L2HGDH: variants seen among roughly 807,000 people sequenced by gnomAD.
L2HGDH encodes the protein L-2-hydroxyglutarate dehydrogenase.
In L2HGDH, 34 loss-of-function variants were observed where a neutral mutation model predicts 51.5. That is an observed-to-expected ratio of 0.66 (90% CI 0.50 to 0.88). The LOEUF (loss-of-function observed/expected upper bound fraction) is 0.88, where lower values mean the gene tolerates loss of function less well. Ranked by LOEUF, L2HGDH falls within the 40% of genes least tolerant of loss-of-function variation. The pLI, the probability that L2HGDH is intolerant of heterozygous loss-of-function variation, is 0.00. For synonymous variants in L2HGDH, 198 were observed against 197.9 expected, an observed-to-expected ratio of 1.00 and a Z score of -0.01; for missense variants, 558 against 571.9, an observed-to-expected ratio of 0.98 and a Z score of 0.25.
chr14:50,278,233 G>A (rs1193551828), intron 6 of L2HGDH, among the ~76,000 whole-genome samples: 2 of 152,184 alleles, frequency 1.3e-5, no homozygotes, highest in Admixed American at 1.3e-4. Flanking sequence ...TAATAAGTTA[G>A]TGGAGATCAG....
chr14:50,281,339 T>A (rs184294929), intron 5 of L2HGDH, among the ~76,000 whole-genome samples: 1 of 152,196 alleles, frequency 6.6e-6, no homozygotes, highest in Non-Finnish European at 1.5e-5. Flanking sequence ...GCTCCTGTAA[T>A]CCCAGCACTT....
intron 6 of L2HGDH, among the ~76,000 whole-genome samples, chr14:50,270,819 T>C (rs930167005): frequency 1.3e-5 from 2 of 152,118 alleles, no homozygotes; most frequent in African/African-American, 2.4e-5. Context: ...CCTTACTGTT[T>C]AGCCTTACTC....
intron 9 of L2HGDH, among the ~76,000 whole-genome samples, chr14:50,255,552 A>T (rs1203307697): frequency 6.7e-6 from 1 of 148,274 alleles, no homozygotes; most frequent in African/African-American, 2.5e-5. Flanking sequence ...AAAAAAAAAA[A>T]AGAAAAGAAA....
intron 6 of L2HGDH, 58 bp downstream of exon 6, chr14:50,278,462 A>AT: frequency 1.7e-6 from 2 of 1,142,970 alleles, no homozygotes; most frequent in Non-Finnish European, 2.6e-6. Context: ...GGTTAATTTA[A>AT]TTTTTAATAA....
At chr14:50,305,657 T>C (rs1338902003) in intron 1 of L2HGDH, among the ~76,000 whole-genome samples, 1 of 152,216 alleles carries the variant, frequency 6.6e-6, no homozygotes, top group Non-Finnish European at 1.5e-5. Context: ...ACCTCTATAA[T>C]CTTCCACTAA....
chr14:50,268,833 G>C (rs1474470483), intron 7 of L2HGDH, among the ~76,000 whole-genome samples: 1 of 152,130 alleles, frequency 6.6e-6, no homozygotes, highest in Non-Finnish European at 1.5e-5. Flanking sequence ...CTGAGGAAAA[G>C]GGTTGGGTAT....
chr14:50,305,151 T>C (rs1270086788), intron 1 of L2HGDH, among the ~76,000 whole-genome samples: 2 of 152,172 alleles, frequency 1.3e-5, no homozygotes, highest in African/African-American at 2.4e-5. Context: ...TTAAATTAAC[T>C]TGGGGGTCAT....
At position 50,245,441 on chromosome 14, in the gene L2HGDH, A is replaced by G; in HGVS notation, c.*1617T>C. 1.0e-6 allele frequency: 1 copy of G among 984,740 alleles called. No homozygotes were observed. The highest frequency in any genetic ancestry group is 1.2e-6 in the Non-Finnish European group (1 of 829,298). The allele number at this position is 984,740 out of a possible 1,614,324, so 61.0% of individuals were successfully genotyped here. ...TTAGATTTCATGATGATACCATACC[A>G]CATCAGTTACAAAGAGACTGGAAAT... On this transcript the variant is annotated 3_prime_UTR_variant, in exon 10 of 10. Transcript: ENST00000267436.
chr14:50,264,721 C>A (rs1479105395), intron 9 of L2HGDH, among the ~76,000 whole-genome samples: 2 of 152,054 alleles, frequency 1.3e-5, no homozygotes, highest in Non-Finnish European at 2.9e-5. Flanking sequence ...ACACTGCAGT[C>A]TACTTAAGTG....
intron 9 of L2HGDH, among the ~76,000 whole-genome samples, chr14:50,261,361 T>C (rs1413590051): frequency 6.6e-6 from 1 of 152,218 alleles, no homozygotes; most frequent in Non-Finnish European, 1.5e-5. Flanking sequence ...ATTTTCCAAA[T>C]TGAAAATGGG....
chr14:50,297,298 T>C (rs976788379), intron 3 of L2HGDH, among the ~76,000 whole-genome samples: 1 of 152,034 alleles, frequency 6.6e-6, no homozygotes, highest in Non-Finnish European at 1.5e-5. Context: ...GACATCTAAA[T>C]TGGAAAAGAA....
intron 8 of L2HGDH, among the ~76,000 whole-genome samples, 163 bp from the exon 9 acceptor site, chr14:50,265,652 G>C (rs370811539): frequency 6.6e-6 from 1 of 152,136 alleles, no homozygotes; most frequent in Admixed American, 6.5e-5. Context: ...GGTGGCTCAC[G>C]CCTGTAATCC....
chr14:50,257,925 T>C (rs1216837369), intron 9 of L2HGDH, among the ~76,000 whole-genome samples: 1 of 151,602 alleles, frequency 6.6e-6, no homozygotes, highest in African/African-American at 2.4e-5. Context: ...TGATTGTGAG[T>C]TTCTGTTCAG....
rs778118435 is a variant in L2HGDH, at chr14:50,312,073, C to A, written c.78G>T (p.Ala26=). 3.1e-6 allele frequency: 5 copies of A among 1,601,550 alleles called. No individual in the cohort carries two copies. The African/African-American group carries it at 6.7e-5, about 21-fold the overall frequency. The change falls in exon 1 of 10, where the codon GCG becomes GCT. Residue 26 remains alanine (A), a synonymous_variant. Coordinates refer to ENST00000267436, the MANE Select transcript of L2HGDH (RefSeq NM_024884.3). ...TTGGCCTCCCAGACGCGAACCCGCACGCCCCAGGGGAGCCACCGGCGAAAA... is the reference window on the plus strand; with the variant it reads ...TTGGCCTCCCAGACGCGAACCCGCAAGCCCCAGGGGAGCCACCGGCGAAAA... The part of the protein sequence containing the change: ...RGLFAGGSPG[A]CGFASGRPRP...
chr14:50,268,901 T>A (rs1431192372), intron 7 of L2HGDH, among the ~76,000 whole-genome samples: 1 of 152,164 alleles, frequency 6.6e-6, no homozygotes. Flanking sequence ...AAGGTAGAAT[T>A]CAGTTCCTTC....
chr14:50,266,569 G>A (rs1220769517), intron 8 of L2HGDH, among the ~76,000 whole-genome samples: 2 of 152,218 alleles, frequency 1.3e-5, no homozygotes, highest in African/African-American at 4.8e-5. Context: ...TTGATCCCAG[G>A]AGGTTGAGGC....
In L2HGDH at chr14:50,244,912, G is replaced by A. The variant is rs571276390; in HGVS notation, c.*2146C>T. 2.0e-6 allele frequency: 2 copies of A among 985,460 alleles called. No individual in the cohort carries two copies. The highest frequency in any genetic ancestry group is 2.4e-6 in the Non-Finnish European group (2 of 829,942). 61.0% of individuals were successfully genotyped at this position (985,460 alleles called of 1,614,324 possible). On this transcript the variant is annotated 3_prime_UTR_variant, in exon 10 of 10. Transcript: ENST00000267436. ...CAAATCAGAGAGAATGGATGAAAATGCCTCACCTAAATGTGGTTCAGTACT... is the reference window on the plus strand; with the variant it reads ...CAAATCAGAGAGAATGGATGAAAATACCTCACCTAAATGTGGTTCAGTACT...
At chr14:50,282,495 C>T (rs1217862858) in intron 5 of L2HGDH, 1 of 455,918 alleles carries the variant, frequency 2.2e-6, no homozygotes, top group East Asian at 7.0e-5. Flanking sequence ...AATTCTTGCT[C>T]GTTATTCAGC....
At chr14:50,293,983 G>A in intron 4 of L2HGDH, 132 bp downstream of exon 4, 2 of 1,093,634 alleles carry the variant, frequency 1.8e-6, no homozygotes, top group Non-Finnish European at 1.4e-6. Flanking sequence ...TCTTGTGTCT[G>A]TCACTTCACT....
Sources: gnomAD v4.1 joint callset for allele counts (sites outside exome capture counted in the v4.1 genomes callset) on GRCh38, gnomAD v4.1.1 for gene constraint, MANE v1.5 for transcripts, NCBI Gene and HGNC (gene_info 2026-07-23, HGNC 2026-07-21) for gene names.